SEPSECS: variants seen among roughly 807,000 people sequenced by gnomAD.
SEPSECS encodes Sep (O-phosphoserine) tRNA:Sec (selenocysteine) tRNA synthase.
SEPSECS carries 42 observed loss-of-function variants against 52.1 expected under a neutral mutation model. That is an observed-to-expected ratio of 0.81 (90% CI 0.63 to 1.04). The LOEUF (loss-of-function observed/expected upper bound fraction) is 1.04. Ranked by LOEUF, SEPSECS falls within the 50% of genes least tolerant of loss-of-function variation. The pLI is 0.00. For synonymous variants in SEPSECS, 216 were observed against 211.4 expected (o/e 1.02, Z -0.19); for missense variants, 590 against 610.6 (o/e 0.97, Z 0.36).
At position 25,124,126 on chromosome 4, in the gene SEPSECS, T is replaced by C; in HGVS notation, c.1311A>G (p.Ala437=). The change falls in exon 11 of 11, where the codon GCA becomes GCG. Residue 437 remains alanine, a synonymous_variant. Coordinates refer to ENST00000382103, the MANE Select transcript of SEPSECS (RefSeq NM_016955.4). ...NNYPCAYLNA[A]SAIGMKMQDV... ...CCTGCATCTTCATTCCGATGGCTGA[T>C]GCAGCATTGAGGTAAGCACAAGGGT... 1.2e-6 allele frequency: 2 copies of C among 1,613,778 alleles called. No homozygotes were observed. The highest frequency in any genetic ancestry group is 1.7e-6 in the Non-Finnish European group (2 of 1,179,786).
In SEPSECS at chr4:25,159,065, G is replaced by C. The variant is rs763307962; in HGVS notation, c.157C>G (p.Leu53Val). 1 of 1,610,470 alleles carries C rather than the reference G, an allele frequency of 6.2e-7. No individual in the cohort carries two copies. Among genetic ancestry groups the C allele is most frequent in the Non-Finnish European group, 8.5e-7 (1 of 1,178,016 alleles). ...ENGWDESTLE[L>V]FLHELAIMDS... The stretch of plus-strand genomic sequence containing the variant: ...ATGATTGCAAGTTCATGTAAAAAGA[G>C]TTCAAGTGTACTTTCATCCCAGCCA... The change falls in exon 2 of 11, where the codon CTC becomes GTC. Residue 53 changes from leucine to valine, a missense_variant. By Grantham distance (32) the Leu-to-Val change is conservative. Transcript: ENST00000382103.
At chr4:25,158,326 TAA>T (rs1298459131) in intron 2 of SEPSECS, among the ~76,000 whole-genome samples, 2 of 152,196 alleles carry the variant, frequency 1.3e-5, no homozygotes, top group East Asian at 1.9e-4. Context: ...GAGTTTCATT[TAA>T]AAGAGTTTAC....
chr4:25,145,909 T>C (rs1254485540), intron 6 of SEPSECS, among the ~76,000 whole-genome samples: 1 of 152,222 alleles, frequency 6.6e-6, no homozygotes, highest in Non-Finnish European at 1.5e-5. Flanking sequence ...CTCTTGGCAA[T>C]TCTAGAAGCA....
intron 6 of SEPSECS, among the ~76,000 whole-genome samples, chr4:25,146,643 C>A (rs184376175): frequency 6.6e-6 from 1 of 152,150 alleles, no homozygotes. Context: ...TTGCTAGAAC[C>A]CTTCCATCAC....
At chr4:25,138,050 T>C (rs1170804092) in intron 8 of SEPSECS, among the ~76,000 whole-genome samples, 1 of 151,794 alleles carries the variant, frequency 6.6e-6, no homozygotes, top group Non-Finnish European at 1.5e-5. Flanking sequence ...CACCACACAA[T>C]GGGGCCTGTC....
intron 6 of SEPSECS, among the ~76,000 whole-genome samples, chr4:25,148,661 G>C (rs1712133168): frequency 6.6e-6 from 1 of 152,120 alleles, no homozygotes; most frequent in African/African-American, 2.4e-5. Flanking sequence ...ACAGTACAGT[G>C]ACTATAGTTA....
In SEPSECS at chr4:25,160,270, G is replaced by T; in HGVS notation, c.100C>A (p.Leu34Met). Residue 34 changes from leucine (L) to methionine (M), a missense_variant, in exon 1 of 11, where the codon CTG (leucine) becomes ATG (methionine). Physicochemically the swap from Leu to Met is conservative, Grantham distance 15. Coordinates refer to ENST00000382103, the MANE Select transcript of SEPSECS (RefSeq NM_016955.4). ...CAGCTCGGTACCTTCTCCAGAAGCA[G>T]CCGTATGAGGTGCTCATGCGAGCGG... is the stretch of plus-strand genomic sequence containing the variant. ...ARRSHEHLIR[L>M]LLEKGKCPEN... is the part of the protein sequence containing the mutation. The T allele has an allele frequency of 6.4e-7, 1 of 1,556,332 alleles. No homozygotes were observed. The highest frequency in any genetic ancestry group is 2.4e-5 in the East Asian group (1 of 41,438).
chr4:25,147,170 A>G (rs1256150735), intron 6 of SEPSECS, among the ~76,000 whole-genome samples: 4 of 152,302 alleles, frequency 2.6e-5, no homozygotes, highest in Middle Eastern at 3.4e-3. Context: ...CTCCTGCATC[A>G]TTCAGAGCTC....
At chr4:25,159,505 C>A in intron 1 of SEPSECS, 4 of 394,152 alleles carry the variant, frequency 1.0e-5, no homozygotes, top group South Asian at 3.5e-5. Flanking sequence ...CTGTAGCTCA[C>A]TCACGCCTGT....
rs1713007897 is a variant in SEPSECS at position 25,160,443 on chromosome 4, G to A, written c.-74C>T. ...GCCAGACACACGACGGAACCAGAAT[G>A]CAACTCGCCGCCTGGACGGTACGGC... On this transcript the variant is annotated 5_prime_UTR_variant, in exon 1 of 11. Coordinates refer to ENST00000382103, the MANE Select transcript of SEPSECS (RefSeq NM_016955.4). The A allele has an allele frequency of 1.1e-5, 13 of 1,234,466 alleles. No homozygotes were observed. Among genetic ancestry groups the A allele is most frequent in the African/African-American group, 1.5e-5 (1 of 65,910 alleles). The allele number at this position is 1,234,466 out of a possible 1,614,324, so 76.5% of individuals were successfully genotyped here.
intron 5 of SEPSECS, among the ~76,000 whole-genome samples, chr4:25,152,945 A>C (rs923139513): frequency 6.6e-6 from 1 of 151,980 alleles, no homozygotes; most frequent in African/African-American, 2.4e-5. Flanking sequence ...TATACTTCAA[A>C]TATATAGTTT....
chr4:25,151,687 T>C, intron 6 of SEPSECS, among the ~76,000 whole-genome samples: 1 of 152,168 alleles, frequency 6.6e-6, no homozygotes, highest in East Asian at 1.9e-4. Context: ...AAAATCCAGG[T>C]AATGAAACAG....
rs1226967949 is a variant in SEPSECS, at chr4:25,160,334, C to T, written c.36G>A (p.Leu12=). Residue 12 remains leucine (L), a synonymous_variant, in exon 1 of 11, where the codon CTG becomes CTA. Coordinates refer to ENST00000382103, the MANE Select transcript of SEPSECS (RefSeq NM_016955.4). ...NRESFAAGER[L]VSPAYVRQGC... is the part of the protein sequence containing the mutation. ...CCTGCCGCACGTAAGCCGGCGACACCAGCCGCTCTCCCGCCGCGAAGCTCT... is the reference window on the plus strand; with the variant it reads ...CCTGCCGCACGTAAGCCGGCGACACTAGCCGCTCTCCCGCCGCGAAGCTCT... 1.9e-6 allele frequency: 3 copies of T among 1,548,880 alleles called. No individual in the cohort carries two copies. The African/African-American group carries it at 4.1e-5, about 21-fold the overall frequency.
At position 25,160,376 on chromosome 4, in the gene SEPSECS, GGTGGCGACA is replaced by G; in HGVS notation, c.-16_-8del. 2 of 1,543,826 alleles carry G rather than the reference GGTGGCGACA, an allele frequency of 1.3e-6. No individual in the cohort carries two copies. Among genetic ancestry groups the G allele is most frequent in the Non-Finnish European group, 1.8e-6 (2 of 1,141,528 alleles). ...CGAAGCTCTCGCGGTTCATGACAGCGGTGGCGACAGTGGCGAATAAGCGGGAGCACTAGC... is the reference window on the plus strand; with the variant it reads ...CGAAGCTCTCGCGGTTCATGACAGCGGTGGCGAATAAGCGGGAGCACTAGC... On this transcript the variant is annotated 5_prime_UTR_variant, in exon 1 of 11. Coordinates refer to ENST00000382103, the MANE Select transcript of SEPSECS (RefSeq NM_016955.4).
At chr4:25,130,348 C>G (rs1282207824) in intron 8 of SEPSECS, among the ~76,000 whole-genome samples, 3 of 152,206 alleles carry the variant, frequency 2.0e-5, no homozygotes, top group African/African-American at 7.2e-5. Context: ...TTTAAACTTA[C>G]TGATGCATAC....
At chr4:25,129,692 AC>A in intron 8 of SEPSECS, among the ~76,000 whole-genome samples, 1 of 151,984 alleles carries the variant, frequency 6.6e-6, no homozygotes, top group East Asian at 2.0e-4. Context: ...CTCTTTCTTA[AC>A]CCAATATTCC....
intron 1 of SEPSECS, chr4:25,159,474 C>T (rs565246007): frequency 4.4e-4 from 153 of 348,990 alleles, no homozygotes; most frequent in Non-Finnish European, 6.5e-4. Flanking sequence ...TGTCAAACTT[C>T]AGTGAAATTT....
intron 3 of SEPSECS, among the ~76,000 whole-genome samples, 169 bp downstream of exon 3, chr4:25,156,687 A>G (rs570588855): frequency 3.5e-4 from 49 of 141,630 alleles, no homozygotes; most frequent in African/African-American, 1.1e-3. Flanking sequence ...CAGCCTGGGC[A>G]ACAGAGCTAG....
In SEPSECS at chr4:25,152,030, T is replaced by C; in HGVS notation, c.734A>G (p.Tyr245Cys). 3 of 1,595,342 alleles carry C rather than the reference T, an allele frequency of 1.9e-6. No individual in the cohort carries two copies. Among genetic ancestry groups the C allele is most frequent in the Non-Finnish European group, 2.6e-6 (3 of 1,163,020 alleles). The stretch of plus-strand genomic sequence containing the variant: ...ATTATTAACTATATGTGGAATGTCA[T>C]AATTAGCACAAATCACAGCCAGTTC... The part of the protein sequence containing the change: ...LEELAVICAN[Y>C]DIPHIVNNAY... The change falls in exon 6 of 11, where the codon TAT (tyrosine) becomes TGT (cysteine). Residue 245 changes from tyrosine to cysteine, a missense_variant. Tyr to Cys is a radical substitution (Grantham distance 194). Transcript: ENST00000382103.
Sources: allele counts gnomAD v4.1 joint callset (sites outside exome capture counted in the v4.1 genomes callset), GRCh38; gene constraint gnomAD v4.1.1; transcripts MANE v1.5; gene names NCBI Gene and HGNC (gene_info 2026-07-23, HGNC 2026-07-21).